The following DDX50 variants were observed in gnomAD, a reference collection of about 807,000 sequenced individuals.
The protein encoded by DDX50 is ATP-dependent RNA helicase DDX50.
Under a neutral mutation model 94.8 loss-of-function variants are expected in DDX50, and 56 were observed. The ratio of observed to expected loss-of-function variants is 0.59; its 90% CI spans 0.48 to 0.74. DDX50 has a LOEUF of 0.74. Among genes scored for constraint, DDX50 ranks in the 30% least tolerant of loss-of-function variants. The pLI, the probability that DDX50 is intolerant of heterozygous loss-of-function variation, is 0.00. For synonymous variants in DDX50, 264 were observed against 295.4 expected, an observed-to-expected ratio of 0.89 and a Z score of 1.09; for missense variants, 713 against 881.2, an observed-to-expected ratio of 0.81 and a Z score of 2.42.
At chr10:68,939,695 C>T (rs1008299392) in intron 12 of DDX50, among the ~76,000 whole-genome samples, 1 of 152,164 alleles carries the variant, frequency 6.6e-6, no homozygotes, top group Non-Finnish European at 1.5e-5. Flanking sequence ...GGTCTCTGCT[C>T]AAATATCATA....
chr10:68,942,368 T>G (rs1299075227), intron 13 of DDX50, among the ~76,000 whole-genome samples: 1 of 152,200 alleles, frequency 6.6e-6, no homozygotes, highest in Non-Finnish European at 1.5e-5. Context: ...CTAGATTGTT[T>G]ATTGCAAATA....
At chr10:68,916,419 A>G (rs1841793888) in intron 7 of DDX50, among the ~76,000 whole-genome samples, 2 of 151,982 alleles carry the variant, frequency 1.3e-5, no homozygotes, top group Admixed American at 1.3e-4. Flanking sequence ...AAAGTTTTGC[A>G]GTAAGAATGT....
At chr10:68,902,797 G>A (rs190355305) in intron 1 of DDX50, among the ~76,000 whole-genome samples, 61 of 152,280 alleles carry the variant, frequency 4.0e-4, no homozygotes, top group African/African-American at 1.4e-3. Context: ...CCTAGTTTAT[G>A]TCTTTCCTGA....
At chr10:68,917,370 G>T (rs1246686233) in intron 7 of DDX50, among the ~76,000 whole-genome samples, 1 of 152,044 alleles carries the variant, frequency 6.6e-6, no homozygotes, top group East Asian at 1.9e-4. Flanking sequence ...TGAGAAAGAA[G>T]AATCGCTTGA....
intron 1 of DDX50, among the ~76,000 whole-genome samples, chr10:68,905,644 G>A (rs1418728280): frequency 6.6e-6 from 1 of 152,208 alleles, no homozygotes; most frequent in African/African-American, 2.4e-5. Flanking sequence ...GGGCACAGTG[G>A]CTCACGCCTG....
intron 14 of DDX50, among the ~76,000 whole-genome samples, chr10:68,944,019 C>A (rs1242135983): frequency 6.6e-6 from 1 of 152,056 alleles, no homozygotes; most frequent in Non-Finnish European, 1.5e-5. Context: ...ATCTACTTAC[C>A]CACTTTTCTG....
intron 8 of DDX50, among the ~76,000 whole-genome samples, chr10:68,929,026 G>GCAAC (rs1313727712): frequency 6.6e-6 from 1 of 151,932 alleles, no homozygotes; most frequent in African/African-American, 2.4e-5. Context: ...TCGGCTCACT[G>GCAAC]CAACCACCAC....
At chr10:68,913,636 A>G (rs1236627993) in intron 6 of DDX50, 60 bp downstream of exon 6, 1 of 1,492,828 alleles carries the variant, frequency 6.7e-7, no homozygotes, top group Admixed American at 2.2e-5. Context: ...AATGCAAACG[A>G]GTTTTTATTT....
intron 2 of DDX50, among the ~76,000 whole-genome samples, chr10:68,909,745 C>T (rs1291899192): frequency 6.6e-6 from 1 of 152,168 alleles, no homozygotes; most frequent in African/African-American, 2.4e-5. Context: ...TCACTACAAC[C>T]TCTGCCTCCT....
chr10:68,912,220 G>GT (rs1048020281), intron 4 of DDX50, among the ~76,000 whole-genome samples: 4 of 150,990 alleles, frequency 2.6e-5, no homozygotes, highest in Admixed American at 6.6e-5. Flanking sequence ...TTTGTTTTTT[G>GT]TTTTTTTTAA....
chr10:68,935,982 T>A (rs753910223), intron 10 of DDX50, 24 bp from the exon 11 acceptor site: 1 of 1,512,440 alleles, frequency 6.6e-7, no homozygotes, highest in Non-Finnish European at 9.0e-7. Context: ...CCATTTTTCT[T>A]TAATGTAACT....
intron 8 of DDX50, among the ~76,000 whole-genome samples, chr10:68,931,719 CT>C (rs1328041972): frequency 1.3e-5 from 2 of 152,054 alleles, no homozygotes; most frequent in African/African-American, 4.8e-5. Context: ...GCCACTGTGC[CT>C]GGTCGTATAA....
intron 14 of DDX50, among the ~76,000 whole-genome samples, 153 bp from the exon 15 acceptor site, chr10:68,946,199 C>T (rs1477874471): frequency 6.6e-6 from 1 of 151,902 alleles, no homozygotes; most frequent in Admixed American, 6.6e-5. Flanking sequence ...AATATTTTTG[C>T]TTATTTTCTG....
At position 68,946,611 on chromosome 10, in the gene DDX50, A is replaced by G. The variant is rs763345141; in HGVS notation, c.2195A>G (p.His732Arg). ...GNRNRSRSGG[H>R]KRSFD ...AGAAATCGATCAAGAAGTGGGGGCC[A>G]CAAACGGAGTTTTGACTGAGTATTT... Residue 732 changes from histidine (H) to arginine (R), a missense_variant, in exon 15 of 15, where the codon CAC (histidine) becomes CGC (arginine). Physicochemically the swap from His to Arg is conservative, Grantham distance 29. Coordinates refer to ENST00000373585, the MANE Select transcript of DDX50 (RefSeq NM_024045.2). 1 of 1,613,822 alleles carries G rather than the reference A, an allele frequency of 6.2e-7. No homozygotes were observed. The highest frequency in any genetic ancestry group is 1.1e-5 in the South Asian group (1 of 91,084).
At chr10:68,906,586 C>A in intron 1 of DDX50, 125 bp from the exon 2 acceptor site, 1 of 1,012,714 alleles carries the variant, frequency 9.9e-7, no homozygotes, top group South Asian at 1.5e-5. Context: ...TGGATTTCTA[C>A]CAGGCAGGTT....
At chr10:68,913,971 T>G in intron 6 of DDX50, 88 bp from the exon 7 acceptor site, 1 of 1,255,992 alleles carries the variant, frequency 8.0e-7, no homozygotes. Flanking sequence ...CATTTTTCAT[T>G]ATTTTTTTGA....
Position 68,913,250 on chromosome 10 carries a change from T to C in DDX50, c.728T>C (p.Phe243Ser), listed in dbSNP as rs1199148365. The C allele has an allele frequency of 6.2e-7, 1 of 1,613,302 alleles. No homozygotes were observed. Among genetic ancestry groups the C allele is most frequent in the African/African-American group, 1.3e-5 (1 of 75,020 alleles). ...ACTAGGAAACTCAGCGTGGCGTGTT[T>C]TTATGGTGGAACATCATATCAAAGC... is the stretch of plus-strand genomic sequence containing the variant. Reference protein sequence around the residue: ...DITRKLSVACFYGGTSYQSQI... With the variant: ...DITRKLSVACSYGGTSYQSQI... The change falls in exon 5 of 15, where the codon TTT (phenylalanine) becomes TCT (serine). Residue 243 changes from phenylalanine to serine, a missense_variant. Coordinates refer to ENST00000373585, the MANE Select transcript of DDX50 (RefSeq NM_024045.2).
chr10:68,914,919 G>A (rs1037491828), intron 7 of DDX50, among the ~76,000 whole-genome samples: 2 of 151,910 alleles, frequency 1.3e-5, no homozygotes, highest in African/African-American at 4.8e-5. Context: ...TATTTGGGAG[G>A]CTGAGGCATG....
chr10:68,931,440 C>CACACACACACAG (rs761850212), intron 8 of DDX50, among the ~76,000 whole-genome samples: 7 of 141,104 alleles, frequency 5.0e-5, no homozygotes, highest in African/African-American at 1.6e-4. Flanking sequence ...CAAACACACA[C>CACACACACACAG]ACACACAATT....
Sources: allele counts gnomAD v4.1 joint callset (sites outside exome capture counted in the v4.1 genomes callset), GRCh38; gene constraint gnomAD v4.1.1; transcripts MANE v1.5; gene names NCBI Gene and HGNC (gene_info 2026-07-23, HGNC 2026-07-21).